Variants in ASB10 observed in about 807,000 individuals in gnomAD.
The protein encoded by ASB10 is ankyrin repeat and SOCS box protein 10.
ASB10 carries 44 observed loss-of-function variants against 35.4 expected under a neutral mutation model. That is an observed-to-expected ratio of 1.24 (90% confidence interval 0.98 to 1.60). ASB10 has a LOEUF of 1.60. Ranked by LOEUF, ASB10 falls within the 40% of genes most tolerant of loss-of-function variation. The pLI is 0.00. For synonymous variants in ASB10, 294 were observed against 280.4 expected, an observed-to-expected ratio of 1.05 and a Z score of -0.49; for missense variants, 647 against 634.3, an observed-to-expected ratio of 1.02 and a Z score of -0.22.
chr7:151,186,587 T>C lies in ASB10; in HGVS notation c.389A>G (p.Glu130Gly), dbSNP rs200596093. ...LHVAASRGHT[E>G]VLRLLLRRRA... ...CCGCCTCAGCAGCAGCCGCAGGACT[T>C]CCGTGTGGCCACGGCTGGCTGCCAC... Residue 130 changes from glutamate (E) to glycine (G), a missense_variant, in exon 2 of 6, where the codon GAA (glutamate) becomes GGA (glycine). Physicochemically the swap from Glu to Gly is moderately conservative, Grantham distance 98. Transcript: ENST00000420175. 1 of 1,609,534 alleles carries C rather than the reference T, an allele frequency of 6.2e-7. No individual in the cohort carries two copies. Among genetic ancestry groups the C allele is most frequent in the African/African-American group, 1.3e-5 (1 of 75,004 alleles).
chr7:151,176,007 G>GGGGACGGGCCGGTTCT (rs1563563685), intron 5 of ASB10, 41 bp from the exon 6 acceptor site: 1 of 1,350,598 alleles, frequency 7.4e-7, no homozygotes, highest in Non-Finnish European at 9.9e-7. Context: ...CTGGTGGTTC[G>GGGGACGGGCCGGTTCT]GGGACGGGCC....
Position 151,176,235 on chromosome 7 carries a change from A to T in ASB10, c.1281T>A (p.His427Gln). ...ALVRQPRSLQHLSRCALRSHL... is the reference protein window; with the variant it reads ...ALVRQPRSLQQLSRCALRSHL... ...GGGAGCGGAGCGCACAGCGGCTCAA[A>T]TGCTGCAGCGACCTGGGCTGCCTCA... The change falls in exon 5 of 6, where the codon CAT (histidine) becomes CAA (glutamine). Residue 427 changes from histidine (H) to glutamine (Q), a missense_variant. By Grantham distance (24) the His-to-Gln change is conservative. Coordinates refer to ENST00000420175, the MANE Select transcript of ASB10 (RefSeq NM_001142459.2). 1 of 1,600,192 alleles carries T rather than the reference A, an allele frequency of 6.2e-7. No individual in the cohort carries two copies. Among genetic ancestry groups the T allele is most frequent in the Non-Finnish European group, 8.5e-7 (1 of 1,174,024 alleles).
In ASB10 at chr7:151,186,401, C is replaced by T. The variant is rs1801590893; in HGVS notation, c.575G>A (p.Gly192Asp). The change falls in exon 2 of 6, where the codon GGC (glycine) becomes GAC (aspartate). Residue 192 changes from glycine to aspartate, a missense_variant. Transcript: ENST00000420175. ...GTGAGGGGTCACTCACTCAAGGGTGCCAGGCCCCCGGCAGAGATGCAGGGG... is the reference window on the plus strand; with the variant it reads ...GTGAGGGGTCACTCACTCAAGGGTGTCAGGCCCCCGGCAGAGATGCAGGGG... ...KRPLHLCRGP[G>D]TLECAELLLR... 1.3e-6 allele frequency: 2 copies of T among 1,585,158 alleles called. No individual in the cohort carries two copies. The highest frequency in any genetic ancestry group is 1.3e-5 in the African/African-American group (1 of 74,350).
intron 1 of ASB10, 55 bp from the exon 2 acceptor site, chr7:151,186,714 C>A: frequency 6.4e-7 from 1 of 1,558,678 alleles, no homozygotes; most frequent in Non-Finnish European, 8.7e-7. Context: ...GACCTTCCAG[C>A]CAATGGGGTG....
Position 151,186,543 on chromosome 7 carries a change from C to A in ASB10, c.433G>T (p.Ala145Ser). 1 of 1,604,156 alleles carries A rather than the reference C, an allele frequency of 6.2e-7. No homozygotes were observed. Among genetic ancestry groups the A allele is most frequent in the Non-Finnish European group, 8.5e-7 (1 of 1,176,010 alleles). Residue 145 changes from alanine to serine, a missense_variant, in exon 2 of 6, where the codon GCC (alanine) becomes TCC (serine). Physicochemically the swap from Ala to Ser is moderately conservative, Grantham distance 99. Coordinates refer to ENST00000420175, the MANE Select transcript of ASB10 (RefSeq NM_001142459.2). ...LLRRRARPDS[A>S]PGGRTALHEA... The stretch of plus-strand genomic sequence containing the variant: ...TGCAGGGCGGTGCGGCCCCCAGGGG[C>A]ACTGTCTGGCCTTGCTCGCCGCCTC...
In ASB10 at chr7:151,186,958, A is replaced by G. The variant is rs776283832; in HGVS notation, c.173T>C (p.Phe58Ser). ...TRTASGPALA[F>S]WQAVLAGDVG... The stretch of plus-strand genomic sequence containing the variant: ...GTCCCCAGCCAGCACTGCCTGCCAG[A>G]AGGCAAGGGCAGGTCCTGAGGCTGT... The change falls in exon 1 of 6, where the codon TTC becomes TCC. Residue 58 changes from phenylalanine to serine, a missense_variant. Physicochemically the swap from Phe to Ser is radical, Grantham distance 155 (BLOSUM62 -2). Coordinates refer to ENST00000420175, the MANE Select transcript of ASB10 (RefSeq NM_001142459.2). 102 of 1,613,748 alleles carry G rather than the reference A, an allele frequency of 6.3e-5. 1 individual carries two copies. The Admixed American group carries it at 1.6e-3, about 26-fold the overall frequency.
At chr7:151,187,488 G>A (rs1275092565), upstream of ASB10, 3 of 1,551,302 alleles carry the variant, frequency 1.9e-6, no homozygotes, top group Non-Finnish European at 1.7e-6. The surrounding 1 kb of genome is among the most constrained non-coding windows in gnomAD (Gnocchi z 5.3). Context: ...TCTGCGGCCC[G>A]GCTCTCCAGC....
rs373724579 is a variant in ASB10 at position 151,176,657 on chromosome 7, G to C, written c.1124C>G (p.Thr375Arg). Residue 375 changes from threonine to arginine, a missense_variant, in exon 4 of 6, where the codon ACG becomes AGG. Thr to Arg is a moderately conservative substitution (Grantham distance 71). Coordinates refer to ENST00000420175, the MANE Select transcript of ASB10 (RefSeq NM_001142459.2). Reference sequence around the variant, plus strand: ...CAGGACCTCGATGGTCCGAGGGCACGTGCTCCAGCGCTCCAGCACCTGTGG... The same window carrying C: ...CAGGACCTCGATGGTCCGAGGGCACCTGCTCCAGCGCTCCAGCACCTGTGG... ...ALPKVLERWS[T>R]CPRTIEVLMN... 2.6e-6 allele frequency: 4 copies of C among 1,551,230 alleles called. No individual in the cohort carries two copies. Among genetic ancestry groups the C allele is most frequent in the Non-Finnish European group, 3.5e-6 (4 of 1,146,860 alleles).
intron 2 of ASB10, among the ~76,000 whole-genome samples, chr7:151,182,955 C>A (rs1291582545): frequency 6.6e-6 from 1 of 152,156 alleles, no homozygotes; most frequent in Non-Finnish European, 1.5e-5. Context: ...TGTTTACTCA[C>A]AAAGGAAGGA....
chr7:151,180,948 G>C lies in ASB10; in HGVS notation c.1095C>G (p.Ala365=). The change falls in exon 3 of 6, where the codon GCC becomes GCG. Residue 365 remains alanine, a synonymous_variant. Transcript: ENST00000420175. ...NHGAVRVWPG[A]LPKVLERWST... ...CCTGCAGCCCCCATACCTTGGGGAG[G>C]GCCCCTGGCCAGACACGGACGGCGC... is the stretch of plus-strand genomic sequence containing the variant. 1 of 1,533,500 alleles carries C rather than the reference G, an allele frequency of 6.5e-7. No individual in the cohort carries two copies. Among genetic ancestry groups the C allele is most frequent in the Non-Finnish European group, 8.8e-7 (1 of 1,136,800 alleles). 95.0% of individuals were successfully genotyped at this position (1,533,500 alleles called of 1,614,324 possible).
At chr7:151,176,792 C>T (rs1801398171) in intron 3 of ASB10, 116 bp from the exon 4 acceptor site, 4 of 684,766 alleles carry the variant, frequency 5.8e-6, no homozygotes, top group Non-Finnish European at 7.5e-6. Flanking sequence ...GAAGACCTAT[C>T]CCCCTGTACC....
Position 151,187,110 on chromosome 7 carries a change from T to C in ASB10, c.21A>G (p.Pro7=), listed in dbSNP as rs767404215. The change falls in exon 1 of 6, where the codon CCA becomes CCG. Residue 7 remains proline (P), a synonymous_variant. Coordinates refer to ENST00000420175, the MANE Select transcript of ASB10 (RefSeq NM_001142459.2). This position sits in a 1 kb window ranked among gnomAD's most constrained non-coding sequence, Gnocchi z 5.3. ...GCTCTCCCTGCCCCTTGCACTCTTC[T>C]GGAGACCAACTCATGAGCATGTGGG... The part of the protein sequence containing the change: MLMSWS[P]EECKGQGEPL... 5 of 1,594,552 alleles carry C rather than the reference T, an allele frequency of 3.1e-6. No individual in the cohort carries two copies. The highest frequency in any genetic ancestry group is 3.4e-6 in the Non-Finnish European group (4 of 1,170,698).
chr7:151,186,673 A>T lies in ASB10; in HGVS notation c.317-14T>A. On this transcript the variant is annotated splice_polypyrimidine_tract_variant and intron_variant, in intron 1 of 5. Transcript: ENST00000420175. ...GAGACCAGAGTCCTAGGGAGGGGAG[A>T]CGTGGGCCTCAGATCCCCAGGGAAG... 6.3e-7 allele frequency: 1 copy of T among 1,593,528 alleles called. No individual in the cohort carries two copies. The highest frequency in any genetic ancestry group is 8.6e-7 in the Non-Finnish European group (1 of 1,167,258).
At chr7:151,185,554 G>A (rs1031758137) in intron 2 of ASB10, among the ~76,000 whole-genome samples, 1 of 152,168 alleles carries the variant, frequency 6.6e-6, no homozygotes, top group African/African-American at 2.4e-5. Context: ...ATCCTCTAGA[G>A]GCTGATGAGA....
chr7:151,187,737 G>C (rs767766290), upstream of ASB10: 1 of 1,457,794 alleles, frequency 6.9e-7, no homozygotes, highest in Non-Finnish European at 9.1e-7. This position sits in a 1 kb window ranked among gnomAD's most constrained non-coding sequence, Gnocchi z 5.3. Flanking sequence ...TGTTCTGGGA[G>C]AGCCAAAGCA....
At chr7:151,176,479 C>A in intron 4 of ASB10, 84 bp downstream of exon 4, 2 of 1,481,726 alleles carry the variant, frequency 1.3e-6, no homozygotes, top group Middle Eastern at 1.8e-4. Flanking sequence ...TCTTTGGGTA[C>A]TTTCTATGGG....
chr7:151,176,609 T>G lies in ASB10; in HGVS notation c.1172A>C (p.Gln391Pro), dbSNP rs1213318599. ...EVLMNTYSVV[Q>P]LPEEAVGLVT... ...CAGGCCGACGGCCTCCTCGGGAAGC[T>G]GCACAACACTGTAGGTGTTCATCAG... The change falls in exon 4 of 6, where the codon CAG (glutamine) becomes CCG (proline). Residue 391 changes from glutamine (Q) to proline (P), a missense_variant. Transcript: ENST00000420175. The G allele has an allele frequency of 1.3e-6, 2 of 1,551,436 alleles. No individual in the cohort carries two copies. Among genetic ancestry groups the G allele is most frequent in the African/African-American group, 2.7e-5 (2 of 73,142 alleles).
chr7:151,180,472 T>C (rs1270147219), intron 3 of ASB10, among the ~76,000 whole-genome samples: 2 of 152,062 alleles, frequency 1.3e-5, no homozygotes, highest in African/African-American at 4.8e-5. Context: ...TTGGACAGCC[T>C]CTCCTGCATC....
chr7:151,181,083 G>A lies in ASB10; in HGVS notation c.960C>T (p.Ala320=). Residue 320 remains alanine, a synonymous_variant, in exon 3 of 6, where the codon GCC becomes GCT. Coordinates refer to ENST00000420175, the MANE Select transcript of ASB10 (RefSeq NM_001142459.2). ...TGTGTCCCCCATAGTCCATGGTGTT[G>A]GCGCTGACACCACAGGACAGGAGCA... ...VELLLSCGVS[A]NTMDYGGHTP... is the part of the protein sequence containing the mutation. The A allele has an allele frequency of 6.2e-7, 1 of 1,612,528 alleles. No homozygotes were observed. The highest frequency in any genetic ancestry group is 1.1e-5 in the South Asian group (1 of 91,062).
Sources: gnomAD v4.1 joint callset for allele counts (sites outside exome capture counted in the v4.1 genomes callset) on GRCh38, gnomAD v4.1.1 for gene constraint, Gnocchi (gnomAD v3.1) non-coding constraint, MANE v1.5 for transcripts, NCBI Gene and HGNC (gene_info 2026-07-23, HGNC 2026-07-21) for gene names.